The following SALL2 variants were observed in gnomAD, a reference collection of about 807,000 sequenced individuals.
SALL2 encodes spalt like transcription factor 2.
A neutral mutation model predicts 58.5 loss-of-function variants in SALL2; 32 were observed. The ratio of observed to expected loss-of-function variants is 0.55; its 90% CI spans 0.41 to 0.74. The LOEUF is 0.74. SALL2 is among the 30% of genes least tolerant of loss of function. SALL2 has a pLI of 0.00. For synonymous variants in SALL2, 516 were observed against 513.6 expected (o/e 1.00, Z -0.06); for missense variants, 1,201 against 1,268.9 (o/e 0.95, Z 0.81).
Position 21,524,568 on chromosome 14 carries a change from G to C in SALL2, c.1154C>G (p.Ala385Gly). Residue 385 changes from alanine to glycine, a missense_variant, in exon 2 of 2, where the codon GCC becomes GGC. By Grantham distance (60) the Ala-to-Gly change is moderately conservative. Transcript: ENST00000537235. The stretch of plus-strand genomic sequence containing the variant: ...GTGGGAACGAAGGTGGATCTGCAGG[G>C]CACTGTCACTGCCAAATACTTTGGC... ...FCAKVFGSDS[A>G]LQIHLRSHTG... 6.2e-7 allele frequency: 1 copy of C among 1,614,248 alleles called. No homozygotes were observed. Among genetic ancestry groups the C allele is most frequent in the Non-Finnish European group, 8.5e-7 (1 of 1,180,054 alleles).
Position 21,525,644 on chromosome 14 carries a change from G to A in SALL2, c.78C>T (p.Ser26=), listed in dbSNP as rs1177010365. ...GEPAELGGDA[S]EEDHPQVCAK... ...CACAGACTTGGGGGTGATCCTCCTC[G>A]CTAGCATCACCTGGGGAGAAGACAA... is the stretch of plus-strand genomic sequence containing the variant. Residue 26 remains serine (S), a synonymous_variant, in exon 2 of 2, where the codon AGC becomes AGT. Transcript: ENST00000537235. This position sits in a 1 kb window ranked among gnomAD's most constrained non-coding sequence, Gnocchi z 4.4. 1 of 1,573,906 alleles carries A rather than the reference G, an allele frequency of 6.4e-7. No individual in the cohort carries two copies. Among genetic ancestry groups the A allele is most frequent in the Non-Finnish European group, 8.6e-7 (1 of 1,156,976 alleles).
At chr14:21,527,236 A>G (rs73581449), upstream of SALL2, among the ~76,000 whole-genome samples, 2,561 of 152,234 alleles carry the variant, frequency 0.017, 35 homozygotes, top group African/African-American at 0.043. Flanking sequence ...TGCGGTAGGA[A>G]CTACCAGGCA....
intron 1 of SALL2, among the ~76,000 whole-genome samples, chr14:21,533,417 A>C (rs1892515086): frequency 6.6e-6 from 1 of 151,938 alleles, no homozygotes; most frequent in Non-Finnish European, 1.5e-5. Flanking sequence ...CTTCCATCTA[A>C]AGTACTCCCC....
rs771133270 is a variant in SALL2, at chr14:21,524,855, C to T, written c.867G>A (p.Gly289=). 9.3e-6 allele frequency: 15 copies of T among 1,613,582 alleles called. No homozygotes were observed. Among genetic ancestry groups the T allele is most frequent in the Admixed American group, 6.7e-5 (4 of 59,962 alleles). The change falls in exon 2 of 2, where the codon GGG becomes GGA. Residue 289 remains glycine, a synonymous_variant. Transcript: ENST00000537235. ...GGGTGGGTTTGTGGCTTCGCCCAAC[C>T]CCTCCAGCAGAGAAAGGATGCTGTG... The part of the protein sequence containing the change: ...LGSQHPFSAG[G]VGRSHKPTPA...
At chr14:21,532,305 G>C (rs1387509985) in intron 1 of SALL2, among the ~76,000 whole-genome samples, 1 of 151,856 alleles carries the variant, frequency 6.6e-6, no homozygotes, top group Non-Finnish European at 1.5e-5. Flanking sequence ...GGCTAACAGG[G>C]CTAAGGGAAT....
intron 1 of SALL2, among the ~76,000 whole-genome samples, chr14:21,535,116 CG>C: frequency 6.6e-6 from 1 of 152,078 alleles, no homozygotes; most frequent in African/African-American, 2.4e-5. Context: ...GAGGCCAAGG[CG>C]GGCAGATTAC....
chr14:21,525,962 G>T lies in SALL2; in HGVS notation c.67+99C>A. On this transcript the variant is annotated intron_variant, in intron 1 of 1. Coordinates refer to ENST00000537235, the MANE Select transcript of SALL2 (RefSeq NM_001364564.1). This position sits in a 1 kb window ranked among gnomAD's most constrained non-coding sequence, Gnocchi z 4.4. ...AGGTGTGGGGACAGGGGCCTACGCA[G>T]AGAATCATGCATTTTCTCCCACCCA... 1 of 1,157,576 alleles carries T rather than the reference G, an allele frequency of 8.6e-7. No homozygotes were observed. The highest frequency in any genetic ancestry group is 1.2e-6 in the Non-Finnish European group (1 of 803,612). 71.7% of individuals were successfully genotyped at this position (1,157,576 alleles called of 1,614,324 possible).
In SALL2 at chr14:21,523,039, G is replaced by A; in HGVS notation, c.2683C>T (p.Gln895Ter). Residue 895 changes from glutamine to a stop codon, truncating the protein, a stop_gained, in exon 2 of 2, where the codon CAG becomes TAG. Transcript: ENST00000537235. LOFTEE classifies it high-confidence loss of function. This position sits in a 1 kb window ranked among gnomAD's most constrained non-coding sequence, Gnocchi z 4.4. ...CCTGGCTCCTTTCTCATTGCCTCCT[G>A]CAGGCTCAGCTCCTCTACCAAGGTC... ...SVTLVEELSL[Q>*]EAMRKEPGES... 1.9e-6 allele frequency: 3 copies of A among 1,614,144 alleles called. No homozygotes were observed. Among genetic ancestry groups the A allele is most frequent in the Non-Finnish European group, 2.5e-6 (3 of 1,180,024 alleles).
At chr14:21,526,023 G>GCCCCCCCCCCCGCCCCCCCC in intron 1 of SALL2, 38 bp downstream of exon 1, 1 of 898,722 alleles carries the variant, frequency 1.1e-6, no homozygotes, top group Non-Finnish European at 1.7e-6. Context: ...ATCCCCCTCC[G>GCCCCCCCCCCCGCCCCCCCC]CCCCCACCCC....
chr14:21,529,149 AG>A, upstream of SALL2, among the ~76,000 whole-genome samples: 1 of 152,276 alleles, frequency 6.6e-6, no homozygotes, highest in East Asian at 1.9e-4. Flanking sequence ...CATCCTGAAA[AG>A]GGGGGCAGGA....
At chr14:21,534,890 G>A (rs540778339) in intron 1 of SALL2, among the ~76,000 whole-genome samples, 1 of 152,294 alleles carries the variant, frequency 6.6e-6, no homozygotes, top group Admixed American at 6.5e-5. Flanking sequence ...CGGGGAGGAT[G>A]CGTTCTGCCC....
rs1187488366 is a variant in SALL2 at position 21,523,461 on chromosome 14, GGCTGCTGGGACT to G, written c.2249_2260del (p.Gln750_Gln753del). On this transcript the variant is annotated inframe_deletion, in exon 2 of 2. Transcript: ENST00000537235. The surrounding 1 kb of genome is among the most constrained non-coding windows in gnomAD (Gnocchi z 4.4). ...CTCAGACAACTCCTCTTCCGGTGAT[GGCTGCTGGGACT>G]GCTGCTGGGGGAAACTCCGTGCCCC... 2 of 1,614,096 alleles carry G rather than the reference GGCTGCTGGGACT, an allele frequency of 1.2e-6. No individual in the cohort carries two copies. Among genetic ancestry groups the G allele is most frequent in the South Asian group, 1.1e-5 (1 of 91,074 alleles).
chr14:21,524,751 C>T lies in SALL2; in HGVS notation c.971G>A (p.Gly324Glu). ...CCCAAGACACTGTGCTGCCAGTAGT[C>T]CCGTGGTGCTTGGGAATGCCAGATG... ...SPHLAFPSTT[G>E]LLAAQCLGAA... The change falls in exon 2 of 2, where the codon GGA becomes GAA. Residue 324 changes from glycine to glutamate, a missense_variant. Around this residue, in one of 3 missense-constraint regions of SALL2, gnomAD observed 467 missense variants for 468.9 expected, o/e 1.00. Transcript: ENST00000537235. 2 of 1,609,154 alleles carry T rather than the reference C, an allele frequency of 1.2e-6. No individual in the cohort carries two copies. The highest frequency in any genetic ancestry group is 1.7e-6 in the Non-Finnish European group (2 of 1,177,442).
chr14:21,522,242 GT>G lies in SALL2; in HGVS notation c.*461del, dbSNP rs1369913057. 6.3e-7 allele frequency: 1 copy of G among 1,590,162 alleles called. No individual in the cohort carries two copies. Among genetic ancestry groups the G allele is most frequent in the East Asian group, 2.2e-5 (1 of 44,668 alleles). ...CATTTGACAGGAATGCCACATACTGGTTCTAGAAAGATAGGGGACCCATACC... is the reference window on the plus strand; with the variant it reads ...CATTTGACAGGAATGCCACATACTGGTCTAGAAAGATAGGGGACCCATACC... On this transcript the variant is annotated 3_prime_UTR_variant, in exon 2 of 2. Transcript: ENST00000537235.
rs762108114 is a variant in SALL2 at position 21,524,096 on chromosome 14, C to T, written c.1626G>A (p.Thr542=). The T allele has an allele frequency of 2.0e-5, 33 of 1,613,836 alleles. No homozygotes were observed. The East Asian group carries it at 2.2e-4, about 11-fold the overall frequency. Residue 542 remains threonine, a synonymous_variant, in exon 2 of 2, where the codon ACG becomes ACA. Transcript: ENST00000537235. The part of the protein sequence containing the change: ...SAISGVAESS[T]ATRMQLSKLV... ...ACTTACTTAGTTGCATGCGAGTTGCCGTGCTACTTTCTGCCACTCCACTGA... is the reference window on the plus strand; with the variant it reads ...ACTTACTTAGTTGCATGCGAGTTGCTGTGCTACTTTCTGCCACTCCACTGA...
chr14:21,533,052 C>T (rs1001780918), intron 1 of SALL2, among the ~76,000 whole-genome samples: 2 of 152,030 alleles, frequency 1.3e-5, no homozygotes, highest in African/African-American at 4.8e-5. Flanking sequence ...GGGCCTAGCA[C>T]AGTACCTGAA....
In SALL2 at chr14:21,523,854, G is replaced by T; in HGVS notation, c.1868C>A (p.Ser623Ter). ...PTTSAPAPSSSASSGPNQCVI... is the reference protein window; with the variant it reads ...PTTSAPAPSS ...ACACTGGTTAGGTCCAGAAGAGGCT[G>T]AGGATGAAGGTGCAGGGGCAGAGGT... Residue 623 changes from serine to a stop codon, truncating the protein, a stop_gained, in exon 2 of 2, where the codon TCA becomes TAA. Coordinates refer to ENST00000537235, the MANE Select transcript of SALL2 (RefSeq NM_001364564.1). LOFTEE classifies it high-confidence loss of function. This position sits in a 1 kb window ranked among gnomAD's most constrained non-coding sequence, Gnocchi z 4.4. 6.2e-7 allele frequency: 1 copy of T among 1,614,262 alleles called. No individual in the cohort carries two copies. The highest frequency in any genetic ancestry group is 8.5e-7 in the Non-Finnish European group (1 of 1,180,048).
rs1461228992 is a variant in SALL2 at position 21,525,749 on chromosome 14, G to C, written c.68-95C>G. On this transcript the variant is annotated intron_variant, in intron 1 of 1. Coordinates refer to ENST00000537235, the MANE Select transcript of SALL2 (RefSeq NM_001364564.1). This position sits in a 1 kb window ranked among gnomAD's most constrained non-coding sequence, Gnocchi z 4.4. ...CAAGGAGGCCAGTAACCGCTAGTTG[G>C]GGGTGGGGAGATGAGCTCACCATCA... 1.9e-5 allele frequency: 26 copies of C among 1,374,384 alleles called. No individual in the cohort carries two copies. Among genetic ancestry groups the C allele is most frequent in the Non-Finnish European group, 2.5e-5 (26 of 1,024,222 alleles). The allele number at this position is 1,374,384 out of a possible 1,614,324, so 85.1% of individuals were successfully genotyped here.
chr14:21,536,490 C>T (rs1892599757), intron 1 of SALL2, among the ~76,000 whole-genome samples: 1 of 152,146 alleles, frequency 6.6e-6, no homozygotes. Context: ...GGGGAAAATC[C>T]CACCCCGAAG....
Sources: allele counts gnomAD v4.1 joint callset (sites outside exome capture counted in the v4.1 genomes callset), GRCh38; gene constraint gnomAD v4.1.1; regional missense constraint gnomAD v4.1.1; non-coding constraint Gnocchi (gnomAD v3.1); transcripts MANE v1.5; gene names NCBI Gene and HGNC (gene_info 2026-07-23, HGNC 2026-07-21).